Variants in HDAC4 observed in about 807,000 individuals in gnomAD.
The protein encoded by HDAC4 is histone deacetylase 4, also known as histone deacetylase A.
In HDAC4, 16 loss-of-function variants were observed where a neutral mutation model predicts 135.1. That is an observed-to-expected ratio of 0.12 (90% CI 0.08 to 0.18). The LOEUF is 0.18. Among genes scored for constraint, HDAC4 ranks in the 10% least tolerant of loss-of-function variants. The pLI, the probability that HDAC4 is intolerant of heterozygous loss-of-function variation, is 1.00. For missense variants in HDAC4, 1,143 were observed against 1,511.8 expected (o/e 0.76, Z 4.05); for synonymous variants, 685 against 653.4 (o/e 1.05, Z -0.74).
At chr2:239,175,409 C>T (rs545963896) in intron 5 of HDAC4, among the ~76,000 whole-genome samples, 14 of 152,348 alleles carry the variant, frequency 9.2e-5, no homozygotes, top group South Asian at 6.2e-4. Flanking sequence ...CACGGGTCAT[C>T]GTCCCAGCAG....
intron 14 of HDAC4, among the ~76,000 whole-genome samples, chr2:239,109,758 C>T (rs1321123812): frequency 2.6e-5 from 4 of 152,160 alleles, no homozygotes; most frequent in African/African-American, 4.8e-5. Flanking sequence ...GACACTGCCC[C>T]GTGAAATACG....
At chr2:239,311,879 C>G (rs1405858696) in intron 2 of HDAC4, among the ~76,000 whole-genome samples, 1 of 152,140 alleles carries the variant, frequency 6.6e-6, no homozygotes, top group Non-Finnish European at 1.5e-5. Context: ...CTTGGGCAGC[C>G]CACGGGGCAG....
chr2:239,180,680 C>T (rs906966087), intron 4 of HDAC4, among the ~76,000 whole-genome samples: 2 of 152,246 alleles, frequency 1.3e-5, no homozygotes, highest in South Asian at 2.1e-4. Context: ...CTCAAACTGG[C>T]GCTGGCAGTG....
At chr2:239,251,096 A>C (rs2048762203) in intron 2 of HDAC4, among the ~76,000 whole-genome samples, 2 of 152,342 alleles carry the variant, frequency 1.3e-5, no homozygotes, top group South Asian at 4.1e-4. Flanking sequence ...GCCTTTCCAC[A>C]TGAGTGGTTT....
intron 24 of HDAC4, among the ~76,000 whole-genome samples, chr2:239,061,861 T>C (rs2032790484): frequency 6.6e-6 from 1 of 152,236 alleles, no homozygotes; most frequent in South Asian, 2.1e-4. Flanking sequence ...TTAAATGAGA[T>C]GGTGGCATTT....
chr2:239,120,081 C>A lies in HDAC4; in HGVS notation c.1534-4771G>T, dbSNP rs149522310. 5.4e-3 allele frequency among the ~76,000 whole-genome samples: 825 copies of A among 152,236 alleles called. 8 individuals are homozygous for A. The highest frequency in any genetic ancestry group is 0.019 in the African/African-American group (794 of 41,548). On this transcript the variant is annotated intron_variant, in intron 12 of 26. Coordinates refer to ENST00000543185, the MANE Select transcript of HDAC4 (RefSeq NM_001378414.1). ...GCCACCACAGAGGAGGTGCTGGCCC[C>A]GGGACGGGGAGGTGGGTAGAGGGCA...
chr2:239,329,667 G>C (rs1265048738), intron 2 of HDAC4, among the ~76,000 whole-genome samples: 1 of 152,178 alleles, frequency 6.6e-6, no homozygotes, highest in African/African-American at 2.4e-5. Flanking sequence ...TTATCAAAAA[G>C]GGCATGAGTC....
chr2:239,049,007 A>G lies in HDAC4; in HGVS notation c.*4090T>C, dbSNP rs2030415054. The G allele has an allele frequency of 6.6e-6, 1 of 151,980 alleles. No individual in the cohort carries two copies. Among genetic ancestry groups the G allele is most frequent in the African/African-American group, 2.4e-5 (1 of 41,274 alleles). The allele number at this position is 151,980 out of a possible 1,614,324, so 9.4% of individuals were successfully genotyped here. A position where few individuals can be genotyped will look rare whatever the true frequency, so the allele number is the denominator to read the frequency against. ...GGCCCGTGGAAGGAGATAAAAGGAA[A>G]CAAACAAAACAAAACAAAACAAAAT... On this transcript the variant is annotated 3_prime_UTR_variant, in exon 27 of 27. Transcript: ENST00000543185.
intron 15 of HDAC4, 36 bp from the exon 16 acceptor site, chr2:239,102,932 G>A (rs2152766043): frequency 1.2e-6 from 2 of 1,613,116 alleles, no homozygotes; most frequent in South Asian, 1.1e-5. Flanking sequence ...CACACGTTCT[G>A]CAGAAGCTGC....
At chr2:239,360,621 A>T (rs1693798542) in intron 1 of HDAC4, among the ~76,000 whole-genome samples, 1 of 152,204 alleles carries the variant, frequency 6.6e-6, no homozygotes, top group Non-Finnish European at 1.5e-5. Context: ...AAAAAGTACT[A>T]GATAGGAAGC....
intron 2 of HDAC4, among the ~76,000 whole-genome samples, chr2:239,246,939 C>A (rs187754339): frequency 2.6e-5 from 4 of 152,368 alleles, no homozygotes; most frequent in Non-Finnish European, 4.4e-5. Context: ...AGGAGGATCA[C>A]CTGGCATGCA....
chr2:239,096,336 A>C (rs1331810039), intron 16 of HDAC4, among the ~76,000 whole-genome samples: 4 of 141,892 alleles, frequency 2.8e-5, no homozygotes, highest in African/African-American at 5.2e-5. Flanking sequence ...CGCACCCCCT[A>C]CGGACGCCCA....
intron 6 of HDAC4, among the ~76,000 whole-genome samples, chr2:239,163,439 CCCCCAGACCACGTCACTCTGGAGGGGGG>C (rs2042936971): frequency 6.6e-6 from 1 of 152,094 alleles, no homozygotes; most frequent in Non-Finnish European, 1.5e-5. Context: ...TGTGAGTGGA[CCCCCAGACCACGTCACTCTGGAGGGGGG>C]CCCACCCCGT....
intron 16 of HDAC4, among the ~76,000 whole-genome samples, chr2:239,097,206 C>T (rs1037015615): frequency 6.6e-6 from 1 of 152,242 alleles, no homozygotes; most frequent in South Asian, 2.1e-4. Context: ...CTGTGCCCGC[C>T]TTGTCCCTCC....
chr2:239,110,029 G>A (rs1055536680), intron 14 of HDAC4, among the ~76,000 whole-genome samples: 31 of 152,196 alleles, frequency 2.0e-4, no homozygotes, highest in Non-Finnish European at 4.4e-5. Context: ...GCACTGCGTC[G>A]CTGTGCACGG....
intron 13 of HDAC4, among the ~76,000 whole-genome samples, chr2:239,114,425 G>A (rs138201289): frequency 1.3e-5 from 2 of 152,198 alleles, no homozygotes; most frequent in Non-Finnish European, 2.9e-5. Context: ...CTGCAGATAC[G>A]GGGCTCCAGC....
At chr2:239,186,405 T>C (rs1379860787) in intron 4 of HDAC4, 1 of 152,232 alleles carries the variant, frequency 6.6e-6, no homozygotes, top group African/African-American at 2.4e-5. Flanking sequence ...AAAGAGAGTT[T>C]AAATCATCCA....
chr2:239,084,378 C>T (rs1438780402), intron 19 of HDAC4, 136 bp from the exon 20 acceptor site: 1 of 694,144 alleles, frequency 1.4e-6, no homozygotes. Context: ...GAATACGTCG[C>T]AGGGAACCCT....
intron 3 of HDAC4, among the ~76,000 whole-genome samples, chr2:239,221,895 A>G (rs1194799702): frequency 2.0e-5 from 3 of 152,194 alleles, no homozygotes; most frequent in Admixed American, 1.3e-4. Flanking sequence ...ACTTTCCTTA[A>G]CAGGTCACTT....
Sources: allele counts gnomAD v4.1 joint callset (sites outside exome capture counted in the v4.1 genomes callset), GRCh38; gene constraint gnomAD v4.1.1; transcripts MANE v1.5; gene names NCBI Gene and HGNC (gene_info 2026-07-23, HGNC 2026-07-21).